The following PYM1 variants were observed in gnomAD, a reference collection of about 807,000 sequenced individuals.
The protein encoded by PYM1 is PYM1 exon junction complex associated factor.
A neutral mutation model predicts 20.7 loss-of-function variants in PYM1; 7 were observed. That is an observed-to-expected ratio of 0.34 (90% CI 0.19 to 0.64). The LOEUF (loss-of-function observed/expected upper bound fraction) is 0.64, where lower values mean the gene tolerates loss of function less well. Ranked by LOEUF, PYM1 falls within the 30% of genes least tolerant of loss-of-function variation. PYM1 has a pLI of 0.74. For synonymous variants in PYM1, 100 were observed against 99.2 expected (o/e 1.01, Z -0.05); for missense variants, 194 against 250.0 (o/e 0.78, Z 1.51).
intron 1 of PYM1, chr12:55,926,951 G>A (rs1472182973): frequency 2.0e-6 from 2 of 1,017,146 alleles, no homozygotes; most frequent in Non-Finnish European, 2.8e-6. Flanking sequence ...AATGAATGGG[G>A]AAGGCGGTCC....
intron 1 of PYM1, among the ~76,000 whole-genome samples, chr12:55,905,547 C>CA (rs1882780519): frequency 6.7e-6 from 1 of 149,058 alleles, no homozygotes; most frequent in Non-Finnish European, 1.5e-5. Flanking sequence ...ACTAAAAATA[C>CA]AAAAATTAGC....
intron 1 of PYM1, among the ~76,000 whole-genome samples, chr12:55,922,910 G>C (rs989382306): frequency 1.3e-5 from 2 of 152,090 alleles, no homozygotes; most frequent in African/African-American, 4.8e-5. Flanking sequence ...CCCTGGATAA[G>C]ATCCTGGAAC....
chr12:55,921,624 G>C (rs1883099121), intron 1 of PYM1, among the ~76,000 whole-genome samples: 1 of 152,106 alleles, frequency 6.6e-6, no homozygotes, highest in Non-Finnish European at 1.5e-5. Context: ...GCTTCTTGGA[G>C]AAATGGCAGA....
rs1565713118 is a variant in PYM1 at position 55,902,046 on chromosome 12, G to C, written c.441C>G (p.Thr147=). Residue 147 remains threonine, a synonymous_variant, in exon 3 of 3, where the codon ACC becomes ACG. Coordinates refer to ENST00000408946, the MANE Select transcript of PYM1 (RefSeq NM_032345.3). ...TCTTTATCTTCTTGGCTTTCTCAGTGGTGGCAGCTGAGTCAGGCTGGTCAG... is the reference window on the plus strand; with the variant it reads ...TCTTTATCTTCTTGGCTTTCTCAGTCGTGGCAGCTGAGTCAGGCTGGTCAG... ...AASDQPDSAA[T]TEKAKKIKNL... is the part of the protein sequence containing the mutation. The C allele has an allele frequency of 2.5e-6, 4 of 1,614,130 alleles. No homozygotes were observed. The highest frequency in any genetic ancestry group is 3.4e-6 in the Non-Finnish European group (4 of 1,180,030).
chr12:55,924,825 C>A (rs1883161922), intron 1 of PYM1, among the ~76,000 whole-genome samples: 3 of 152,096 alleles, frequency 2.0e-5, no homozygotes, highest in Non-Finnish European at 4.4e-5. Flanking sequence ...GACAGGCCCA[C>A]GCCACCATGC....
Position 55,916,410 on chromosome 12 carries a change from C to T in PYM1, c.37+11315G>A, listed in dbSNP as rs187985023. 4.1e-3 allele frequency among the ~76,000 whole-genome samples: 620 copies of T among 152,216 alleles called. 7 individuals carry two copies. Among genetic ancestry groups the T allele is most frequent in the African/African-American group, 0.014 (594 of 41,546 alleles). On this transcript the variant is annotated intron_variant, in intron 1 of 2. Transcript: ENST00000408946. Reference sequence around the variant, plus strand: ...CCTGAACTCAAGTCTGATGCCAAAGCTTACACACCATCGCACTGCTGTTCC... The same window carrying T: ...CCTGAACTCAAGTCTGATGCCAAAGTTTACACACCATCGCACTGCTGTTCC...
At chr12:55,926,593 T>C (rs1406821196) in intron 1 of PYM1, among the ~76,000 whole-genome samples, 2 of 152,022 alleles carry the variant, frequency 1.3e-5, no homozygotes, top group Non-Finnish European at 2.9e-5. Context: ...CAAATGAAGA[T>C]ACGGGAGAGG....
At chr12:55,910,283 ATAT>A in intron 1 of PYM1, among the ~76,000 whole-genome samples, 1 of 75,702 alleles carries the variant, frequency 1.3e-5, no homozygotes, top group Non-Finnish European at 2.7e-5. Context: ...ATATATATAT[ATAT>A]AAAATTTTTT....
chr12:55,910,252 CATATATATATAT>C (rs71074876), intron 1 of PYM1, among the ~76,000 whole-genome samples: 3,500 of 142,606 alleles, frequency 0.025, 52 homozygotes, highest in African/African-American at 0.037. Context: ...TGGTTTTATA[CATATATATATAT>C]ATATATATAT....
intron 1 of PYM1, chr12:55,927,366 G>A (rs1223278113): frequency 2.8e-6 from 2 of 721,712 alleles, no homozygotes; most frequent in Non-Finnish European, 2.5e-6. Context: ...GGAGCCAAGA[G>A]AAGTTCCGAG....
At chr12:55,925,099 A>G (rs1883166700) in intron 1 of PYM1, among the ~76,000 whole-genome samples, 2 of 152,240 alleles carry the variant, frequency 1.3e-5, no homozygotes, top group African/African-American at 4.8e-5. Flanking sequence ...GTGGCCTAGA[A>G]GCGGAAGCCA....
intron 1 of PYM1, among the ~76,000 whole-genome samples, chr12:55,926,735 A>T (rs1883194598): frequency 6.6e-6 from 1 of 152,058 alleles, no homozygotes; most frequent in Non-Finnish European, 1.5e-5. Context: ...GAGGGCAGGA[A>T]CTGGAGGGAA....
At chr12:55,915,656 C>T (rs1845595600) in intron 1 of PYM1, among the ~76,000 whole-genome samples, 2 of 150,628 alleles carry the variant, frequency 1.3e-5, no homozygotes, top group Non-Finnish European at 2.9e-5. Flanking sequence ...AAAAAATTTA[C>T]AGACTAAGTA....
At chr12:55,925,630 G>T (rs778727215) in intron 1 of PYM1, among the ~76,000 whole-genome samples, 1 of 152,176 alleles carries the variant, frequency 6.6e-6, no homozygotes, top group Non-Finnish European at 1.5e-5. Context: ...TGCTATAATT[G>T]CATGGCAATA....
intron 1 of PYM1, among the ~76,000 whole-genome samples, chr12:55,916,201 G>A (rs1410902983): frequency 6.6e-6 from 1 of 152,082 alleles, no homozygotes. Context: ...CAGACGTGCT[G>A]GCACATGCTT....
chr12:55,927,266 A>G (rs758718699), intron 1 of PYM1: 13 of 1,073,434 alleles, frequency 1.2e-5, no homozygotes, highest in Admixed American at 2.0e-5. Context: ...AGAGTGGAGA[A>G]GCTGAAATAG....
At position 55,920,408 on chromosome 12, in the gene PYM1, G is replaced by A. The variant is rs191509257; in HGVS notation, c.37+7317C>T. 3.4e-3 allele frequency among the ~76,000 whole-genome samples: 511 copies of A among 152,124 alleles called. 6 individuals are homozygous for A. The highest frequency in any genetic ancestry group is 0.01 in the African/African-American group (418 of 41,494). On this transcript the variant is annotated intron_variant, in intron 1 of 2. Coordinates refer to ENST00000408946, the MANE Select transcript of PYM1 (RefSeq NM_032345.3). Reference sequence around the variant, plus strand: ...AATTCTAGCATTCTGGGAGGCCAAGGTGGGCGATCCTTTGAGGCCAGGAGT... The same window carrying A: ...AATTCTAGCATTCTGGGAGGCCAAGATGGGCGATCCTTTGAGGCCAGGAGT...
chr12:55,910,307 A>T (rs892865317), intron 1 of PYM1, among the ~76,000 whole-genome samples: 8 of 149,594 alleles, frequency 5.3e-5, no homozygotes, highest in Admixed American at 1.3e-4. Flanking sequence ...TTGAGACGGA[A>T]TCTCACTCTG....
At chr12:55,910,290 AT>A (rs1882898951) in intron 1 of PYM1, among the ~76,000 whole-genome samples, 2 of 144,054 alleles carry the variant, frequency 1.4e-5, no homozygotes, top group South Asian at 2.2e-4. Flanking sequence ...TATATATAAA[AT>A]TTTTTTTGAG....
Sources: gnomAD v4.1 joint callset for allele counts (sites outside exome capture counted in the v4.1 genomes callset) on GRCh38, gnomAD v4.1.1 for gene constraint, MANE v1.5 for transcripts, NCBI Gene and HGNC (gene_info 2026-07-23, HGNC 2026-07-21) for gene names.